Variants in CTU2 observed in about 807,000 individuals in gnomAD.
CTU2 encodes cytosolic thiouridylase subunit 2, also known as cytoplasmic tRNA 2-thiolation protein 2.
Under a neutral mutation model 64.1 loss-of-function variants are expected in CTU2, and 80 were observed. That is an observed-to-expected ratio of 1.25 (90% CI 1.04 to 1.50). The LOEUF (loss-of-function observed/expected upper bound fraction) is 1.50, where lower values mean the gene tolerates loss of function less well. CTU2 is among the 40% of genes most tolerant of loss of function. The pLI is 0.00. For missense variants in CTU2, 1,110 were observed against 690.2 expected (o/e 1.61, Z -6.81); for synonymous variants, 482 against 285.3 (o/e 1.69, Z -6.95).
At chr16:88,711,757 C>T in intron 5 of CTU2, 62 bp downstream of exon 5, 3 of 1,489,968 alleles carry the variant, frequency 2.0e-6, no homozygotes, top group East Asian at 2.3e-5. Flanking sequence ...GCGGATCCTC[C>T]CTCTGGTGTG....
chr16:88,711,627 C>A lies in CTU2; in HGVS notation c.283-8C>A. ...TGGGGGCTGAGTCCCTGCTGCTTCT[C>A]CCTCTAGGGCCTGAGCCAAGATTCT... On this transcript the variant is annotated splice_region_variant and splice_polypyrimidine_tract_variant and intron_variant, in intron 4 of 14. Coordinates refer to ENST00000453996, the MANE Select transcript of CTU2 (RefSeq NM_001012759.3). The A allele has an allele frequency of 6.3e-7, 1 of 1,593,766 alleles. No individual in the cohort carries two copies. Among genetic ancestry groups the A allele is most frequent in the Non-Finnish European group, 8.6e-7 (1 of 1,166,990 alleles).
At position 88,714,365 on chromosome 16, in the gene CTU2, CCCACAATCCGG is replaced by C. The variant is rs1567652412; in HGVS notation, c.1098-12_1098-2del. ...CAGCCCGTGTGATTCACCTGCTCCTCCCACAATCCGGCCACAGGACAAGTGAGAAGCTGGTG... is the reference window on the plus strand; with the variant it reads ...CAGCCCGTGTGATTCACCTGCTCCTCCCACAGGACAAGTGAGAAGCTGGTG... On this transcript the variant is annotated splice_region_variant and splice_polypyrimidine_tract_variant and intron_variant, in intron 10 of 14. Coordinates refer to ENST00000453996, the MANE Select transcript of CTU2 (RefSeq NM_001012759.3). The C allele has an allele frequency of 6.2e-7, 1 of 1,612,014 alleles. No individual in the cohort carries two copies. The highest frequency in any genetic ancestry group is 1.1e-5 in the South Asian group (1 of 91,066).
At chr16:88,712,251 C>G in intron 5 of CTU2, 23 bp from the exon 6 acceptor site, 1 of 1,571,668 alleles carries the variant, frequency 6.4e-7, no homozygotes, top group Non-Finnish European at 8.7e-7. Context: ...TGAGCCCTGA[C>G]TCTTTCTGCC....
chr16:88,710,180 T>G, intron 3 of CTU2, 43 bp from the exon 4 acceptor site: 1 of 1,609,932 alleles, frequency 6.2e-7, no homozygotes, highest in Non-Finnish European at 8.5e-7. Context: ...TGTCTGCCTG[T>G]GTTGGAGGTG....
At chr16:88,709,169 C>G (rs1373220705) in intron 2 of CTU2, 1 of 152,272 alleles carries the variant, frequency 6.6e-6, no homozygotes, top group South Asian at 2.1e-4. Context: ...GTAGTCCTAT[C>G]TACCTGGGTG....
chr16:88,713,413 C>T lies in CTU2; in HGVS notation c.839C>T (p.Ala280Val), dbSNP rs776220494. Reference protein sequence around the residue: ...RLAIKLMTNLALGRGAFLAWD... With the variant: ...RLAIKLMTNLVLGRGAFLAWD... ...GCTATCAAGCTCATGACCAACCTGG[C>T]GCTGGGTCGAGGGGCCTTCCTGGCC... The change falls in exon 8 of 15, where the codon GCG becomes GTG. Residue 280 changes from alanine to valine, a missense_variant. Coordinates refer to ENST00000453996, the MANE Select transcript of CTU2 (RefSeq NM_001012759.3). 74 of 1,599,840 alleles carry T rather than the reference C, an allele frequency of 4.6e-5. No individual in the cohort carries two copies. The highest frequency in any genetic ancestry group is 1.7e-4 in the Middle Eastern group (1 of 6,028).
chr16:88,707,309 T>G, intron 2 of CTU2, 99 bp downstream of exon 2: 2 of 1,127,792 alleles, frequency 1.8e-6, no homozygotes, highest in Non-Finnish European at 2.7e-6. Flanking sequence ...TTTAAAAACA[T>G]GTACTTACTT....
At position 88,714,712 on chromosome 16, in the gene CTU2, C is replaced by A; in HGVS notation, c.1327C>A (p.Arg443Ser). 6.2e-7 allele frequency: 1 copy of A among 1,609,512 alleles called. No individual in the cohort carries two copies. The highest frequency in any genetic ancestry group is 1.7e-4 in the Middle Eastern group (1 of 6,052). The change falls in exon 12 of 15, where the codon CGC becomes AGC. Residue 443 changes from arginine to serine, a missense_variant. Arg to Ser is a moderately radical substitution (Grantham distance 110, BLOSUM62 -1). Transcript: ENST00000453996. ...TTCTCCAGGGGTGGGCTGGGCCCAG[C>A]GCTGTGGCCAGGGGGCCTGCAGGAG... ...CCSPGVGWAQ[R>S]CGQGACRRED...
At position 88,714,502 on chromosome 16, in the gene CTU2, T is replaced by C. The variant is rs1911716247; in HGVS notation, c.1201+16T>C. 6.2e-7 allele frequency: 1 copy of C among 1,612,482 alleles called. No homozygotes were observed. Among genetic ancestry groups the C allele is most frequent in the African/African-American group, 1.3e-5 (1 of 74,912 alleles). On this transcript the variant is annotated intron_variant, in intron 11 of 14. Transcript: ENST00000453996. ...GACGCCGCTGGTCTGTGTTTCATGC[T>C]CTTGGGGTGATGCGGGGAGGGAGCC...
intron 4 of CTU2, among the ~76,000 whole-genome samples, chr16:88,711,309 G>A (rs1167980249): frequency 6.6e-6 from 1 of 152,120 alleles, no homozygotes; most frequent in Non-Finnish European, 1.5e-5. Flanking sequence ...TCAGAAGCGT[G>A]TGGGATGGTG....
intron 1 of CTU2, 180 bp downstream of exon 1, chr16:88,706,778 C>T (rs1346572484): frequency 2.5e-5 from 13 of 530,158 alleles, no homozygotes; most frequent in African/African-American, 2.1e-4. Context: ...ACTTACTCCA[C>T]TGGCTCGCGC....
chr16:88,711,934 C>T (rs1222953197), intron 5 of CTU2: 6 of 603,370 alleles, frequency 9.9e-6, no homozygotes, highest in South Asian at 2.0e-5. Context: ...CTTAGAAAGT[C>T]GGGGGTGGGA....
At chr16:88,709,453 A>C (rs1199067733) in intron 2 of CTU2, 1 of 156,184 alleles carries the variant, frequency 6.4e-6, no homozygotes, top group Non-Finnish European at 1.4e-5. Context: ...GGCCCACCCC[A>C]TTTCCGCACT....
chr16:88,710,149 C>G (rs1282459001), intron 3 of CTU2, 74 bp from the exon 4 acceptor site: 1 of 1,589,756 alleles, frequency 6.3e-7, no homozygotes, highest in Non-Finnish European at 8.6e-7. Context: ...ACTCGATGTC[C>G]TAGATGTCCA....
Position 88,713,679 on chromosome 16 carries a change from G to A in CTU2, c.906G>A (p.Val302=), listed in dbSNP as rs375732317. ...CGGATGAGCGGCACGGGGACGTGGTGGTGGTGCGGCCCATGCGGGACCACA... is the reference window on the plus strand; with the variant it reads ...CGGATGAGCGGCACGGGGACGTGGTAGTGGTGCGGCCCATGCGGGACCACA... ...GFSDERHGDV[V]VVRPMRDHTL... The change falls in exon 9 of 15, where the codon GTG becomes GTA. Residue 302 remains valine, a synonymous_variant. Transcript: ENST00000453996. The A allele has an allele frequency of 6.2e-7, 1 of 1,612,614 alleles. No individual in the cohort carries two copies. Among genetic ancestry groups the A allele is most frequent in the Non-Finnish European group, 8.5e-7 (1 of 1,179,860 alleles).
intron 4 of CTU2, among the ~76,000 whole-genome samples, chr16:88,711,314 A>C (rs2142717823): frequency 6.6e-6 from 1 of 152,064 alleles, no homozygotes; most frequent in East Asian, 1.9e-4. Flanking sequence ...AGCGTGTGGG[A>C]TGGTGGCACA....
intron 2 of CTU2, among the ~76,000 whole-genome samples, chr16:88,707,778 A>G (rs943158970): frequency 6.7e-6 from 1 of 148,568 alleles, no homozygotes; most frequent in African/African-American, 2.5e-5. Flanking sequence ...CTTAATTCCC[A>G]GTGGTGGTGC....
At chr16:88,714,249 TGCGGGGGGTGC>T (rs1567652202) in intron 10 of CTU2, 22 bp downstream of exon 10, 5 of 1,601,842 alleles carry the variant, frequency 3.1e-6, no homozygotes, top group Admixed American at 1.7e-5. Context: ...TGTGGGTGTG[TGCGGGGGGTGC>T]GCGGGTGTGT....
At chr16:88,709,586 G>A (rs968598375) in intron 2 of CTU2, 7 of 257,836 alleles carry the variant, frequency 2.7e-5, no homozygotes, top group Non-Finnish European at 3.0e-5. Context: ...GGTCTGGGTT[G>A]GCCTTGCCCT....
Sources: allele counts gnomAD v4.1 joint callset (sites outside exome capture counted in the v4.1 genomes callset), GRCh38; gene constraint gnomAD v4.1.1; transcripts MANE v1.5; gene names NCBI Gene and HGNC (gene_info 2026-07-23, HGNC 2026-07-21).